The following LARGE2 variants were observed in gnomAD, a reference collection of about 807,000 sequenced individuals.
LARGE2 encodes LARGE xylosyl- and glucuronyltransferase 2.
LARGE2 carries 63 observed loss-of-function variants against 75.3 expected under a neutral mutation model. The ratio of observed to expected loss-of-function variants is 0.84; its 90% CI spans 0.68 to 1.03. LARGE2 has a LOEUF of 1.03. LARGE2 is among the 50% of genes least tolerant of loss of function. The pLI, the probability that LARGE2 is intolerant of heterozygous loss-of-function variation, is 0.00. For synonymous variants in LARGE2, 428 were observed against 420.1 expected (o/e 1.02, Z -0.23); for missense variants, 925 against 980.6 (o/e 0.94, Z 0.76).
chr11:45,924,451 C>T, intron 4 of LARGE2, 55 bp from the exon 5 acceptor site: 1 of 1,591,524 alleles, frequency 6.3e-7, no homozygotes, highest in South Asian at 1.1e-5. Context: ...AGCATGTGTT[C>T]TGGTGCTCAT....
chr11:45,929,015 C>T lies in LARGE2; in HGVS notation c.*170C>T. On this transcript the variant is annotated 3_prime_UTR_variant, in exon 14 of 14. Transcript: ENST00000401752. ...CTATTGTATGGCTGGGGACTGGTCTCTCTCTGCCCCAGCCAGTTTGGGGCT... is the reference window on the plus strand; with the variant it reads ...CTATTGTATGGCTGGGGACTGGTCTTTCTCTGCCCCAGCCAGTTTGGGGCT... 1.2e-6 allele frequency: 1 copy of T among 822,906 alleles called. No homozygotes were observed. Among genetic ancestry groups the T allele is most frequent in the South Asian group, 1.8e-5 (1 of 55,426 alleles). The allele number at this position is 822,906 out of a possible 1,614,324, so 51.0% of individuals were successfully genotyped here.
At chr11:45,927,190 T>G in intron 10 of LARGE2, 125 bp from the exon 11 acceptor site, 1 of 1,095,280 alleles carries the variant, frequency 9.1e-7, no homozygotes, top group Non-Finnish European at 1.3e-6. Flanking sequence ...TCTAAAAGTA[T>G]TTGAAGGGTG....
chr11:45,924,879 A>T lies in LARGE2; in HGVS notation c.759A>T (p.Gly253=). 1.4e-6 allele frequency: 2 copies of T among 1,476,456 alleles called. No individual in the cohort carries two copies. The highest frequency in any genetic ancestry group is 2.8e-5 in the South Asian group (2 of 70,336). The allele number at this position is 1,476,456 out of a possible 1,614,324, so 91.5% of individuals were successfully genotyped here. The change falls in exon 6 of 14, where the codon GGA becomes GGT. Residue 253 remains glycine (G), a synonymous_variant. Transcript: ENST00000401752. ...NHRPWPALGR[G]FNTGVILLRL... ...GGCCCTGGCCTGCCTTGGGCCGGGG[A>T]TTTAACACAGGTGGGGACAGTGGTG...
At position 45,926,489 on chromosome 11, in the gene LARGE2, T is replaced by C. The variant is rs139261385; in HGVS notation, c.1056T>C (p.His352=). The C allele has an allele frequency of 2.3e-5, 37 of 1,614,090 alleles. No homozygotes were observed. In the Middle Eastern group the frequency reaches 4.9e-4, roughly 22 times the overall value. ...SPKKLRVKNK[H]VEFFRNFYLT... is the part of the protein sequence containing the mutation. Reference sequence around the variant, plus strand: ...AGAAGCTTCGGGTGAAGAACAAGCATGTGGAATTCTTCCGCAATTTCTACC... The same window carrying C: ...AGAAGCTTCGGGTGAAGAACAAGCACGTGGAATTCTTCCGCAATTTCTACC... Residue 352 remains histidine (H), a synonymous_variant, in exon 9 of 14, where the codon CAT becomes CAC. Transcript: ENST00000401752.
chr11:45,928,853 C>A lies in LARGE2; in HGVS notation c.*8C>A, dbSNP rs771117752. The A allele has an allele frequency of 6.2e-7, 1 of 1,612,686 alleles. No individual in the cohort carries two copies. The highest frequency in any genetic ancestry group is 8.5e-7 in the Non-Finnish European group (1 of 1,179,722). On this transcript the variant is annotated 3_prime_UTR_variant, in exon 14 of 14. Coordinates refer to ENST00000401752, the MANE Select transcript of LARGE2 (RefSeq NM_001300721.2). ...AGCCCTGCCCGAGGCTGAGGCTGGGCCGGCGCTGCCCCTCATCTTAGCATT... is the reference window on the plus strand; with the variant it reads ...AGCCCTGCCCGAGGCTGAGGCTGGGACGGCGCTGCCCCTCATCTTAGCATT...
chr11:45,923,230 G>A (rs2134715926), intron 2 of LARGE2, 63 bp downstream of exon 2: 1 of 1,313,864 alleles, frequency 7.6e-7, no homozygotes, highest in Non-Finnish European at 9.7e-7. Flanking sequence ...CCGGCCTCTT[G>A]GACATCTGCG....
Position 45,926,809 on chromosome 11 carries a change from C to G in LARGE2, c.1263C>G (p.Pro421=), listed in dbSNP as rs1471051617. 2 of 1,613,492 alleles carry G rather than the reference C, an allele frequency of 1.2e-6. No individual in the cohort carries two copies. Among genetic ancestry groups the G allele is most frequent in the Non-Finnish European group, 1.7e-6 (2 of 1,180,010 alleles). ...ACCGTGTGCATGTCACTTTCCTGCCCCATGAACCGCCACCCCCCCGGCCTC... is the reference window on the plus strand; with the variant it reads ...ACCGTGTGCATGTCACTTTCCTGCCGCATGAACCGCCACCCCCCCGGCCTC... The part of the protein sequence containing the change: ...TVHRVHVTFL[P]HEPPPPRPHD... The change falls in exon 10 of 14, where the codon CCC becomes CCG. Residue 421 remains proline (P), a synonymous_variant. Transcript: ENST00000401752.
rs1002267657 is a variant in LARGE2, at chr11:45,928,812, C to G, written c.2133C>G (p.Ala711=). ...CTGCTGCCCTCAAATACCTCCCAGC[C>G]CTGCAGCAGCCCCAGAGCCCTGCCC... ...HGAAALKYLP[A]LQQPQSPARG is the part of the protein sequence containing the mutation. The change falls in exon 14 of 14, where the codon GCC becomes GCG. Residue 711 remains alanine, a synonymous_variant. Transcript: ENST00000401752. 6.2e-7 allele frequency: 1 copy of G among 1,613,448 alleles called. No individual in the cohort carries two copies. The highest frequency in any genetic ancestry group is 1.3e-5 in the African/African-American group (1 of 75,072).
rs988609854 is a variant in LARGE2, at chr11:45,924,038, G to C, written c.369-116G>C. On this transcript the variant is annotated intron_variant, in intron 3 of 13. Transcript: ENST00000401752. ...AAAAAAAAAAAGAACATCCTGAGCC[G>C]GGCGTGGAAAAGCTCTTTGCAGATG... The C allele has an allele frequency of 7.2e-6, 6 of 836,414 alleles. No individual in the cohort carries two copies. In the East Asian group the frequency reaches 1.5e-4, roughly 20 times the overall value. The allele number at this position is 836,414 out of a possible 1,614,324, so 51.8% of individuals were successfully genotyped here.
In LARGE2 at chr11:45,927,946, GCAGCCGGC is replaced by G; in HGVS notation, c.1632_1639del (p.Ser545GlnfsTer70). On this transcript the variant is annotated frameshift_variant, in exon 12 of 14. Transcript: ENST00000401752. LOFTEE classifies it high-confidence loss of function. ...GCCTCCATTGAGCAGCTGGGGCTGG[GCAGCCGGC>G]GCAAGGCAGCACTGGTGGTGCCGGC... The G allele has an allele frequency of 6.2e-7, 1 of 1,613,514 alleles. No individual in the cohort carries two copies. The highest frequency in any genetic ancestry group is 8.5e-7 in the Non-Finnish European group (1 of 1,179,942).
chr11:45,924,443 C>T, intron 4 of LARGE2, 63 bp from the exon 5 acceptor site: 2 of 1,584,896 alleles, frequency 1.3e-6, no homozygotes, highest in Non-Finnish European at 1.7e-6. Flanking sequence ...TCACTGCAAG[C>T]ATGTGTTCTG....
At chr11:45,924,921 G>T (rs779334648) in intron 6 of LARGE2, 32 bp downstream of exon 6, 1 of 1,368,086 alleles carries the variant, frequency 7.3e-7, no homozygotes, top group Middle Eastern at 2.6e-4. Flanking sequence ...GGCAGGCGGG[G>T]TGGTCTGCTG....
rs375470057 is a variant in LARGE2 at position 45,922,680 on chromosome 11, T to C, written c.-111T>C. On this transcript the variant is annotated 5_prime_UTR_variant, in exon 1 of 14. Transcript: ENST00000401752. The stretch of plus-strand genomic sequence containing the variant: ...CGCCTCTCCCCTGGTTCCCGCACCC[T>C]GGCCGGCGGCTGCGAGCGCAGGGCC... 4 of 366,982 alleles carry C rather than the reference T, an allele frequency of 1.1e-5. No homozygotes were observed. Among genetic ancestry groups the C allele is most frequent in the East Asian group, 4.2e-5 (1 of 23,764 alleles). The allele number at this position is 366,982 out of a possible 1,614,324, so 22.7% of individuals were successfully genotyped here.
chr11:45,927,631 T>C (rs747586342), intron 11 of LARGE2, 38 bp downstream of exon 11: 2 of 1,600,780 alleles, frequency 1.2e-6, no homozygotes, highest in Admixed American at 1.7e-5. Context: ...ATATATGGGG[T>C]GGACGTGGAC....
upstream of LARGE2, among the ~76,000 whole-genome samples, chr11:45,922,343 G>C (rs1211514812): frequency 1.3e-5 from 2 of 152,110 alleles, no homozygotes; most frequent in Admixed American, 6.5e-5. Context: ...TCCCGGGCCC[G>C]GGGACACTGG....
Position 45,926,853 on chromosome 11 carries a change from C to T in LARGE2, c.1307C>T (p.Ala436Val), listed in dbSNP as rs1198894762. 6.2e-7 allele frequency: 1 copy of T among 1,611,606 alleles called. No individual in the cohort carries two copies. The highest frequency in any genetic ancestry group is 1.3e-5 in the African/African-American group (1 of 75,022). ...CGGCCTCACGATGTCACCCTTGTGG[C>T]CCAGCTGTCCATGGACCGGTGAGGG... is the stretch of plus-strand genomic sequence containing the variant. ...PPRPHDVTLV[A>V]QLSMDRLQML... Residue 436 changes from alanine to valine, a missense_variant, in exon 10 of 14, where the codon GCC (alanine) becomes GTC (valine). Transcript: ENST00000401752.
Position 45,926,059 on chromosome 11 carries a change from G to C in LARGE2, c.790G>C (p.Asp264His). The change falls in exon 7 of 14, where the codon GAC becomes CAC. Residue 264 changes from aspartate (D) to histidine (H), a missense_variant. This residue lies in a region of LARGE2 where 453 missense variants were observed against 460.2 expected (regional missense o/e 0.98). Coordinates refer to ENST00000401752, the MANE Select transcript of LARGE2 (RefSeq NM_001300721.2). Reference protein sequence around the residue: ...FNTGVILLRLDRLRQAGWEQM... With the variant: ...FNTGVILLRLHRLRQAGWEQM... ...GGCAGGTGTGATCCTGCTGCGGCTG[G>C]ACCGGCTCCGGCAGGCTGGCTGGGA... is the stretch of plus-strand genomic sequence containing the variant. The C allele has an allele frequency of 6.4e-7, 1 of 1,558,370 alleles. No homozygotes were observed. Among genetic ancestry groups the C allele is most frequent in the Non-Finnish European group, 8.7e-7 (1 of 1,151,186 alleles).
chr11:45,925,122 A>C lies in LARGE2; in HGVS notation c.769+233A>C, dbSNP rs2087092700. Among the ~76,000 whole-genome samples, 3 of 152,136 alleles carry C rather than the reference A, an allele frequency of 2.0e-5. 1 individual carries two copies. In the South Asian group the frequency reaches 6.2e-4, roughly 32 times the overall value. ...TTTCTCATCCATTAAATGGGGGATAATTTTAACAGCCCTGGGATCACCAAG... is the reference window on the plus strand; with the variant it reads ...TTTCTCATCCATTAAATGGGGGATACTTTTAACAGCCCTGGGATCACCAAG... On this transcript the variant is annotated intron_variant, in intron 6 of 13. Transcript: ENST00000401752.
In LARGE2 at chr11:45,928,620, C is replaced by T; in HGVS notation, c.1951-10C>T. 6.2e-7 allele frequency: 1 copy of T among 1,610,708 alleles called. No homozygotes were observed. Among genetic ancestry groups the T allele is most frequent in the Non-Finnish European group, 8.5e-7 (1 of 1,177,524 alleles). On this transcript the variant is annotated splice_polypyrimidine_tract_variant and intron_variant, in intron 13 of 13. Coordinates refer to ENST00000401752, the MANE Select transcript of LARGE2 (RefSeq NM_001300721.2). ...CCAGGCAGCCACTGCTCCTCTGCCC[C>T]ACCCTGCAGGAATATGAGCTCCTGG... is the stretch of plus-strand genomic sequence containing the variant.
Sources: gnomAD v4.1 joint callset for allele counts (sites outside exome capture counted in the v4.1 genomes callset) on GRCh38, gnomAD v4.1.1 for gene constraint, gnomAD v4.1.1 regional missense constraint, MANE v1.5 for transcripts, NCBI Gene and HGNC (gene_info 2026-07-23, HGNC 2026-07-21) for gene names.